Variants in PCDHA11 observed in about 807,000 individuals in gnomAD.
The protein encoded by PCDHA11 is protocadherin alpha 11.
Under a neutral mutation model 70.3 loss-of-function variants are expected in PCDHA11, and 61 were observed. The observed-to-expected ratio is 0.87, with a 90% CI of 0.71 to 1.07. The LOEUF (loss-of-function observed/expected upper bound fraction) is 1.07, where lower values mean the gene tolerates loss of function less well. Ranked by LOEUF, PCDHA11 falls within the 50% of genes least tolerant of loss-of-function variation. The pLI is 0.00. For synonymous variants in PCDHA11, 633 were observed against 555.1 expected (o/e 1.14, Z -1.97); for missense variants, 1,324 against 1,237.5 (o/e 1.07, Z -1.05).
intron 1 of PCDHA11, among the ~76,000 whole-genome samples, chr5:140,933,209 G>GTC (rs140472192): frequency 0.32 from 48,939 of 151,636 alleles, 8,153 homozygotes; most frequent in East Asian, 0.53. Flanking sequence ...TAAATTACAT[G>GTC]TCTGTTATAT....
At chr5:140,946,191 CAAAAG>C (rs2093900144) in intron 1 of PCDHA11, among the ~76,000 whole-genome samples, 1 of 151,950 alleles carries the variant, frequency 6.6e-6, no homozygotes, top group Non-Finnish European at 1.5e-5. Flanking sequence ...AGACATTTCT[CAAAAG>C]AAAGCACACA....
Position 140,982,561 on chromosome 5 carries a change from C to T in PCDHA11, c.2537C>T (p.Pro846Leu), listed in dbSNP as rs560422677. 11 of 1,614,060 alleles carry T rather than the reference C, an allele frequency of 6.8e-6. No individual in the cohort carries two copies. Among genetic ancestry groups the T allele is most frequent in the Non-Finnish European group, 9.3e-6 (11 of 1,179,970 alleles). Residue 846 changes from proline to leucine, a missense_variant and splice_region_variant, in exon 3 of 4, where the codon CCA becomes CTA. Pro to Leu is a moderately conservative substitution (Grantham distance 98). Coordinates refer to ENST00000398640, the MANE Select transcript of PCDHA11 (RefSeq NM_018902.5). Reference protein sequence around the residue: ...QQWPTVSSATPEPEAGEVSPP... With the variant: ...QQWPTVSSATLEPEAGEVSPP... ...TGGCCAACAGTATCCAGTGCAACAC[C>T]AGGTAAAGAGCTGGGGTCTCTCCAT...
chr5:140,948,005 T>G (rs246049), intron 1 of PCDHA11, among the ~76,000 whole-genome samples: 85,182 of 151,072 alleles, frequency 0.56, 24,606 homozygotes, highest in African/African-American at 0.69. Flanking sequence ...TTATTAAATT[T>G]AGGAAGTACC....
intron 1 of PCDHA11, among the ~76,000 whole-genome samples, chr5:140,933,650 CCTGTCTCTCTCT>C (rs1218539002): frequency 2.6e-5 from 4 of 151,890 alleles, no homozygotes; most frequent in South Asian, 2.1e-4. Context: ...AGTTGGAAAT[CCTGTCTCTCTCT>C]CTGTCTCTCT....
At chr5:140,911,659 T>G (rs2075588861) in intron 1 of PCDHA11, among the ~76,000 whole-genome samples, 1 of 152,142 alleles carries the variant, frequency 6.6e-6, no homozygotes, top group African/African-American at 2.4e-5. Flanking sequence ...GTTACTAAAC[T>G]CCTTGCCTCT....
At chr5:140,946,679 CG>C (rs1355438071) in intron 1 of PCDHA11, among the ~76,000 whole-genome samples, 1 of 144,750 alleles carries the variant, frequency 6.9e-6, no homozygotes, top group Non-Finnish European at 1.5e-5. Flanking sequence ...TCCTGTCATT[CG>C]TGACAATATG....
intron 1 of PCDHA11, among the ~76,000 whole-genome samples, chr5:140,944,656 C>A (rs782213712): frequency 1.3e-5 from 2 of 152,016 alleles, no homozygotes; most frequent in Admixed American, 6.6e-5. Flanking sequence ...GAGTCCATAC[C>A]CCTTATTTAT....
At chr5:140,962,601 C>T (rs1227208523) in intron 1 of PCDHA11, among the ~76,000 whole-genome samples, 1 of 152,160 alleles carries the variant, frequency 6.6e-6, no homozygotes, top group African/African-American at 2.4e-5. Context: ...TGATATATTT[C>T]TTCTGGAGGA....
chr5:140,948,403 T>A (rs2153683270), intron 1 of PCDHA11, among the ~76,000 whole-genome samples: 1 of 151,756 alleles, frequency 6.6e-6, no homozygotes, highest in Non-Finnish European at 1.5e-5. Context: ...GGTTGTGTAA[T>A]ATTGGTGTTA....
At chr5:140,917,352 C>G (rs2078160172) in intron 1 of PCDHA11, among the ~76,000 whole-genome samples, 1 of 141,764 alleles carries the variant, frequency 7.1e-6, no homozygotes, top group African/African-American at 2.6e-5. Context: ...GTGTAGGCTT[C>G]TGTTCCACTA....
intron 2 of PCDHA11, 72 bp downstream of exon 2, chr5:140,979,079 T>C (rs1019875909): frequency 9.5e-6 from 15 of 1,584,162 alleles, no homozygotes; most frequent in African/African-American, 6.8e-5. Flanking sequence ...TGCATCTCCA[T>C]AGGCCAGAAG....
intron 1 of PCDHA11, chr5:140,883,717 C>A (rs926863988): frequency 6.2e-7 from 1 of 1,613,614 alleles, no homozygotes. Context: ...AGGACGCGGA[C>A]GCACAGGAGA....
Position 140,871,154 on chromosome 5 carries a change from G to T in PCDHA11, c.2051G>T (p.Gly684Val), listed in dbSNP as rs781880372. Residue 684 changes from glycine to valine, a missense_variant, in exon 1 of 4, where the codon GGC (glycine) becomes GTC (valine). Transcript: ENST00000398640. The stretch of plus-strand genomic sequence containing the variant: ...AAGGCCTCTTCCCGGACTTTGGCGG[G>T]CGCCGCGAGCCCAGAGGCTGCGCTG... ...APKASSRTLAGAASPEAALVD... is the reference protein window; with the variant it reads ...APKASSRTLAVAASPEAALVD... The T allele has an allele frequency of 2.5e-5, 41 of 1,613,308 alleles. No homozygotes were observed. Among genetic ancestry groups the T allele is most frequent in the Non-Finnish European group, 3.5e-5 (41 of 1,179,934 alleles).
intron 1 of PCDHA11, among the ~76,000 whole-genome samples, chr5:140,879,016 G>A (rs2057813975): frequency 6.6e-6 from 1 of 152,188 alleles, no homozygotes; most frequent in African/African-American, 2.4e-5. Context: ...ATCAGATAAT[G>A]TTTTATTGAA....
intron 1 of PCDHA11, chr5:140,877,979 A>G (rs2057420487): frequency 4.9e-6 from 6 of 1,227,544 alleles, no homozygotes; most frequent in Non-Finnish European, 5.4e-6. Flanking sequence ...ATTCTTACTC[A>G]TTTTGAACTT....
chr5:140,967,021 C>G, intron 1 of PCDHA11: 2 of 1,607,830 alleles, frequency 1.2e-6, no homozygotes, highest in Non-Finnish European at 1.7e-6. Context: ...TGGGTGCGCC[C>G]AGTCCGCGCT....
At position 140,869,192 on chromosome 5, in the gene PCDHA11, A is replaced by T. The variant is rs782002128; in HGVS notation, c.89A>T (p.Gln30Leu). ...LLEFWEVGSG[Q>L]LHYSVSEEAK... ...GAATTCTGGGAGGTGGGGAGCGGCC[A>T]GCTCCACTACTCCGTCTCGGAGGAG... The change falls in exon 1 of 4, where the codon CAG becomes CTG. Residue 30 changes from glutamine to leucine, a missense_variant. Physicochemically the swap from Gln to Leu is moderately radical, Grantham distance 113. Transcript: ENST00000398640. 2 of 1,613,882 alleles carry T rather than the reference A, an allele frequency of 1.2e-6. No individual in the cohort carries two copies. The highest frequency in any genetic ancestry group is 4.5e-5 in the East Asian group (2 of 44,864).
chr5:140,969,400 T>C (rs782765994), intron 1 of PCDHA11: 2 of 1,580,682 alleles, frequency 1.3e-6, no homozygotes, highest in South Asian at 2.3e-5. Flanking sequence ...TATCCTGTGA[T>C]TTGGCTTTAT....
chr5:140,931,175 G>A (rs1321525314), intron 1 of PCDHA11, among the ~76,000 whole-genome samples: 2 of 152,138 alleles, frequency 1.3e-5, no homozygotes, highest in Non-Finnish European at 2.9e-5. Flanking sequence ...TAATTTTAGG[G>A]AAGGAAATTG....
Sources: allele counts gnomAD v4.1 joint callset (sites outside exome capture counted in the v4.1 genomes callset), GRCh38; gene constraint gnomAD v4.1.1; transcripts MANE v1.5; gene names NCBI Gene and HGNC (gene_info 2026-07-23, HGNC 2026-07-21).